The following CFI variants were observed in gnomAD, a reference collection of about 807,000 sequenced individuals.
CFI encodes the protein C3B/C4B inactivator.
CFI carries 66 observed loss-of-function variants against 78.8 expected under a neutral mutation model. The observed-to-expected ratio is 0.84, with a 90% CI of 0.69 to 1.03. The LOEUF is 1.03. CFI is among the 50% of genes least tolerant of loss of function. The pLI is 0.00. For missense variants in CFI, 706 were observed against 704.5 expected (o/e 1.00, Z -0.02); for synonymous variants, 250 against 232.6 (o/e 1.07, Z -0.68).
At chr4:109,754,089 T>C (rs986678044) in intron 7 of CFI, among the ~76,000 whole-genome samples, 1 of 151,644 alleles carries the variant, frequency 6.6e-6, no homozygotes, top group Non-Finnish European at 1.5e-5. Context: ...GTTCAAGCGA[T>C]TCTCCTGCCT....
At chr4:109,738,803 C>T (rs534260503), downstream of CFI, among the ~76,000 whole-genome samples, 18 of 152,166 alleles carry the variant, frequency 1.2e-4, no homozygotes, top group African/African-American at 1.7e-4. Flanking sequence ...AATAAGCCTT[C>T]GTGATAACTC....
At chr4:109,783,090 G>A (rs1403123994) in intron 1 of CFI, among the ~76,000 whole-genome samples, 1 of 151,944 alleles carries the variant, frequency 6.6e-6, no homozygotes, top group African/African-American at 2.4e-5. Context: ...AGATAACATT[G>A]GAAAAACCCT....
intron 3 of CFI, chr4:109,762,189 T>TAAAAAAAAAAAAA (rs10634105): frequency 6.1e-5 from 7 of 115,336 alleles, no homozygotes; most frequent in African/African-American, 2.5e-4. Context: ...AGACTCTGTC[T>TAAAAAAAAAAAAA]AAAAAAAAAA....
At chr4:109,795,826 G>T (rs368154413) in intron 1 of CFI, among the ~76,000 whole-genome samples, 1 of 152,038 alleles carries the variant, frequency 6.6e-6, no homozygotes, top group African/African-American at 2.4e-5. Flanking sequence ...GGAACAAAAT[G>T]AAAAAGTATA....
At chr4:109,735,590 C>G in the CFI span, among the ~76,000 whole-genome samples, 38 of 152,150 alleles carry the variant, frequency 2.5e-4, no homozygotes, top group Non-Finnish European at 4.6e-4. Context: ...AAAATAAAAG[C>G]CACGTGGTGA....
chr4:109,731,883 AC>A, the CFI span, among the ~76,000 whole-genome samples: 5 of 152,236 alleles, frequency 3.3e-5, no homozygotes, highest in Non-Finnish European at 7.3e-5. Context: ...TTTTTAGACA[AC>A]ACATTTCAAT....
intron 11 of CFI, among the ~76,000 whole-genome samples, chr4:109,743,515 T>TC (rs896781410): frequency 6.6e-6 from 1 of 152,194 alleles, no homozygotes; most frequent in African/African-American, 2.4e-5. Flanking sequence ...AACTTATTCA[T>TC]CCCCTTGTTT....
At chr4:109,798,636 T>G (rs907852812) in intron 1 of CFI, among the ~76,000 whole-genome samples, 1 of 152,056 alleles carries the variant, frequency 6.6e-6, no homozygotes, top group Non-Finnish European at 1.5e-5. Context: ...GCATGCATCA[T>G]AATTTTTGGT....
At chr4:109,774,518 T>C (rs550812329) in intron 1 of CFI, among the ~76,000 whole-genome samples, 1 of 151,978 alleles carries the variant, frequency 6.6e-6, no homozygotes, top group East Asian at 1.9e-4. Context: ...CCAGTGTGGG[T>C]GGATGGGAAT....
At chr4:109,760,479 A>T in intron 5 of CFI, 44 bp downstream of exon 5, 1 of 1,486,772 alleles carries the variant, frequency 6.7e-7, no homozygotes, top group African/African-American at 1.4e-5. Flanking sequence ...TCTTTTAGTC[A>T]GAAAAATGAA....
At chr4:109,755,461 C>G (rs896026186) in intron 7 of CFI, among the ~76,000 whole-genome samples, 1 of 152,086 alleles carries the variant, frequency 6.6e-6, no homozygotes, top group Non-Finnish European at 1.5e-5. Context: ...CCCAACACAA[C>G]AGTGTTGGGA....
intron 3 of CFI, 153 bp from the exon 4 acceptor site, chr4:109,761,845 A>G: frequency 3.1e-6 from 2 of 655,492 alleles, no homozygotes; most frequent in South Asian, 3.5e-5. Context: ...GAGCCTCAGT[A>G]CCTTCATCTA....
intron 1 of CFI, among the ~76,000 whole-genome samples, chr4:109,801,145 C>T (rs1309200791): frequency 1.3e-5 from 2 of 152,206 alleles, no homozygotes; most frequent in African/African-American, 4.8e-5. Flanking sequence ...AGATGACACT[C>T]TAACTTCAAT....
intron 1 of CFI, among the ~76,000 whole-genome samples, chr4:109,792,782 A>G (rs569612415): frequency 1.1e-4 from 17 of 152,266 alleles, no homozygotes; most frequent in African/African-American, 4.1e-4. Context: ...GTCTGGTATT[A>G]GTATAGCCAC....
At chr4:109,766,963 C>A in intron 1 of CFI, 139 bp from the exon 2 acceptor site, 1 of 790,146 alleles carries the variant, frequency 1.3e-6, no homozygotes, top group Admixed American at 2.5e-5. Flanking sequence ...CTTCAAGAAT[C>A]AGAAATAATG....
chr4:109,756,354 C>T (rs1000853381), intron 7 of CFI, among the ~76,000 whole-genome samples: 6 of 145,850 alleles, frequency 4.1e-5, no homozygotes, highest in Admixed American at 7.0e-5. Flanking sequence ...AGAGAAGAAG[C>T]AGCAGGAGGA....
rs76567315 is a variant in CFI, at chr4:109,772,653, A to C, written c.58-5829T>G. ...GAGTGCAGTGGTATGATCACAGCTC[A>C]CTGTAATCCTAAACTCATAGGCTCA... On this transcript the variant is annotated intron_variant, in intron 1 of 12. Transcript: ENST00000394634. Among the ~76,000 whole-genome samples the C allele has an allele frequency of 7.1e-3, 1,074 of 151,624 alleles. 12 individuals carry two copies. The highest frequency in any genetic ancestry group is 0.025 in the African/African-American group (1,020 of 41,308).
chr4:109,741,530 G>A (rs1261582016), intron 12 of CFI: 1 of 210,998 alleles, frequency 4.7e-6, no homozygotes, highest in Non-Finnish European at 8.2e-6. Flanking sequence ...TTATACATAA[G>A]ACAACTATGA....
chr4:109,749,201 C>T lies in CFI; in HGVS notation c.1148+17G>A, dbSNP rs1437313913. 3.1e-6 allele frequency: 5 copies of T among 1,597,188 alleles called. No homozygotes were observed. The highest frequency in any genetic ancestry group is 4.3e-6 in the Non-Finnish European group (5 of 1,164,702). ...ATTGTTTCGGGAAATCTAAAATTTA[C>T]TGAAGACATCTTTTACCTGAGACAA... On this transcript the variant is annotated intron_variant, in intron 10 of 12. Coordinates refer to ENST00000394634, the MANE Select transcript of CFI (RefSeq NM_000204.5).
Sources: allele counts gnomAD v4.1 joint callset (sites outside exome capture counted in the v4.1 genomes callset), GRCh38; gene constraint gnomAD v4.1.1; transcripts MANE v1.5; gene names NCBI Gene and HGNC (gene_info 2026-07-23, HGNC 2026-07-21).